Variants in CNTN1 observed in about 807,000 individuals in gnomAD.
CNTN1 encodes the protein contactin 1.
In CNTN1, 38 loss-of-function variants were observed where a neutral mutation model predicts 126.4. That is an observed-to-expected ratio of 0.30 (90% CI 0.23 to 0.39). The LOEUF (loss-of-function observed/expected upper bound fraction) is 0.39. Ranked by LOEUF, CNTN1 falls within the 10% of genes least tolerant of loss-of-function variation. CNTN1 has a pLI of 1.00. For missense variants in CNTN1, 1,009 were observed against 1,248.4 expected (o/e 0.81, Z 2.89); for synonymous variants, 413 against 422.6 (o/e 0.98, Z 0.28).
At chr12:41,029,295 G>C (rs1271693474) in intron 23 of CNTN1, 76 bp downstream of exon 23, 10 of 1,476,776 alleles carry the variant, frequency 6.8e-6, no homozygotes, top group Non-Finnish European at 7.6e-6. Context: ...CAAGGGTAGG[G>C]ATAAGCCTGA....
At chr12:41,058,745 CAA>C (rs1338559849) in intron 23 of CNTN1, among the ~76,000 whole-genome samples, 1 of 149,178 alleles carries the variant, frequency 6.7e-6, no homozygotes, top group Non-Finnish European at 1.5e-5. Flanking sequence ...AGATACAATC[CAA>C]GGTGATTAGA....
chr12:40,855,050 A>T (rs12297670), intron 1 of CNTN1, among the ~76,000 whole-genome samples: 6,065 of 152,198 alleles, frequency 0.04, 164 homozygotes, highest in Non-Finnish European at 0.053. Flanking sequence ...GTCTGCAAGA[A>T]AGCTCTGGCT....
At chr12:40,889,088 G>A (rs1027492542) in intron 1 of CNTN1, among the ~76,000 whole-genome samples, 1 of 152,186 alleles carries the variant, frequency 6.6e-6, no homozygotes, top group Non-Finnish European at 1.5e-5. Context: ...TCCTTCCCAG[G>A]TTATTCTCTG....
intron 7 of CNTN1, among the ~76,000 whole-genome samples, chr12:40,933,208 T>A (rs1029747525): frequency 6.6e-6 from 1 of 151,900 alleles, no homozygotes; most frequent in African/African-American, 2.4e-5. Context: ...AAGACAGGAT[T>A]TTTTTTAGTA....
chr12:40,819,546 G>A (rs1336339953), intron 1 of CNTN1, among the ~76,000 whole-genome samples: 2 of 152,216 alleles, frequency 1.3e-5, no homozygotes, highest in African/African-American at 4.8e-5. Flanking sequence ...CAAGGGAAAA[G>A]CACAGCCTGG....
At chr12:40,824,495 A>G (rs567272811) in intron 1 of CNTN1, among the ~76,000 whole-genome samples, 1 of 152,168 alleles carries the variant, frequency 6.6e-6, no homozygotes, top group Admixed American at 6.6e-5. Flanking sequence ...ACAATATCTC[A>G]ATTTTAGAGA....
chr12:40,955,923 C>A (rs531033130), intron 14 of CNTN1, among the ~76,000 whole-genome samples: 15 of 151,986 alleles, frequency 9.9e-5, no homozygotes, highest in Non-Finnish European at 1.8e-4. Flanking sequence ...AAAGTTTTGA[C>A]GTGAGAACAC....
At chr12:40,930,095 C>T (rs1945831636) in intron 7 of CNTN1, 93 bp downstream of exon 7, 13 of 1,068,478 alleles carry the variant, frequency 1.2e-5, no homozygotes, top group Non-Finnish European at 1.9e-5. Flanking sequence ...TGAAGACTAG[C>T]TGACTTTTCA....
chr12:40,916,894 T>C (rs920103178), intron 3 of CNTN1, among the ~76,000 whole-genome samples: 2 of 152,118 alleles, frequency 1.3e-5, no homozygotes, highest in Non-Finnish European at 2.9e-5. Flanking sequence ...CTGATCCAGC[T>C]ATTTCCTATC....
At chr12:40,738,042 T>C (rs1937771162) in intron 1 of CNTN1, among the ~76,000 whole-genome samples, 2 of 152,080 alleles carry the variant, frequency 1.3e-5, no homozygotes, top group African/African-American at 2.4e-5. Context: ...ATATTCTGTA[T>C]TTTTAGAAAC....
At chr12:40,901,880 C>T (rs1385869353) in intron 1 of CNTN1, among the ~76,000 whole-genome samples, 2 of 152,122 alleles carry the variant, frequency 1.3e-5, no homozygotes, top group Non-Finnish European at 2.9e-5. Context: ...TTAATGACTT[C>T]ATAGAAAATG....
chr12:40,976,700 T>C (rs1947684493), intron 15 of CNTN1, among the ~76,000 whole-genome samples: 1 of 152,102 alleles, frequency 6.6e-6, no homozygotes, highest in Non-Finnish European at 1.5e-5. Context: ...CTCAACACTT[T>C]TCTGTCCATT....
rs112240652 is a variant in CNTN1, at chr12:40,758,311, TA to T, written c.-77+65721del. ...AGTTCAAAACAAAGTGTTTTTTTTT[TA>T]ATTTGTTGGTGTTCTGAGAATTTTA... On this transcript the variant is annotated intron_variant, in intron 1 of 23. Transcript: ENST00000551295. 6.1e-3 allele frequency among the ~76,000 whole-genome samples: 927 copies of T among 150,936 alleles called. 5 individuals carry two copies. The highest frequency in any genetic ancestry group is 8.4e-3 in the Non-Finnish European group (569 of 67,686).
At chr12:40,982,674 A>G (rs1947850307) in intron 16 of CNTN1, among the ~76,000 whole-genome samples, 1 of 152,102 alleles carries the variant, frequency 6.6e-6, no homozygotes, top group Non-Finnish European at 1.5e-5. Flanking sequence ...TGCAGTATGT[A>G]TAGGTGAGTA....
intron 9 of CNTN1, among the ~76,000 whole-genome samples, chr12:40,936,082 A>C (rs1946069937): frequency 6.6e-6 from 1 of 152,000 alleles, no homozygotes; most frequent in Non-Finnish European, 1.5e-5. Context: ...AGACTGTCAA[A>C]TTGTTTATTT....
intron 2 of CNTN1, among the ~76,000 whole-genome samples, chr12:40,909,634 C>A (rs1462903644): frequency 6.6e-6 from 1 of 151,452 alleles, no homozygotes; most frequent in Non-Finnish European, 1.5e-5. Context: ...CAGAAAAGAT[C>A]ATTTCATTAG....
At chr12:40,738,322 T>A (rs1242601616) in intron 1 of CNTN1, among the ~76,000 whole-genome samples, 1 of 152,002 alleles carries the variant, frequency 6.6e-6, no homozygotes, top group Non-Finnish European at 1.5e-5. Context: ...CTGTTTTATT[T>A]TGGGAGATGG....
chr12:41,028,933 T>A (rs1180812553), intron 22 of CNTN1, 130 bp from the exon 23 acceptor site: 2 of 924,508 alleles, frequency 2.2e-6, no homozygotes, highest in African/African-American at 1.7e-5. Context: ...TAAATTTAGT[T>A]TTTCCTCTTG....
intron 15 of CNTN1, among the ~76,000 whole-genome samples, chr12:40,976,672 T>C (rs1167013871): frequency 2.0e-5 from 3 of 152,118 alleles, no homozygotes; most frequent in Non-Finnish European, 4.4e-5. Flanking sequence ...AAAGTAGTTT[T>C]GTCATTTTAT....
Sources: gnomAD v4.1 joint callset for allele counts (sites outside exome capture counted in the v4.1 genomes callset) on GRCh38, gnomAD v4.1.1 for gene constraint, MANE v1.5 for transcripts, NCBI Gene and HGNC (gene_info 2026-07-23, HGNC 2026-07-21) for gene names.